The following PDZRN3 variants were observed in gnomAD, a reference collection of about 807,000 sequenced individuals.
PDZRN3 encodes E3 ubiquitin-protein ligase PDZRN3.
In PDZRN3, 38 loss-of-function variants were observed where a neutral mutation model predicts 85.7. The ratio of observed to expected loss-of-function variants is 0.44; its 90% CI spans 0.34 to 0.58. The LOEUF (loss-of-function observed/expected upper bound fraction) is 0.58. PDZRN3 is among the 20% of genes least tolerant of loss of function. The pLI is 0.01. For synonymous variants in PDZRN3, 759 were observed against 638.0 expected, an observed-to-expected ratio of 1.19 and a Z score of -2.86; for missense variants, 1,629 against 1,506.4, an observed-to-expected ratio of 1.08 and a Z score of -1.35.
intron 3 of PDZRN3, among the ~76,000 whole-genome samples, chr3:73,418,110 T>C (rs1223875495): frequency 6.6e-6 from 1 of 152,188 alleles, no homozygotes; most frequent in African/African-American, 2.4e-5. Flanking sequence ...AAATGGGAAA[T>C]AAAATGACTC....
At chr3:73,568,525 A>G (rs1438736367) in intron 3 of PDZRN3, among the ~76,000 whole-genome samples, 6 of 152,280 alleles carry the variant, frequency 3.9e-5, no homozygotes, top group African/African-American at 1.4e-4. Flanking sequence ...CTCCTACAAA[A>G]CTGTGGTAAA....
chr3:73,430,989 T>C (rs570073800), intron 3 of PDZRN3, among the ~76,000 whole-genome samples: 1 of 152,252 alleles, frequency 6.6e-6, no homozygotes, highest in African/African-American at 2.4e-5. Context: ...TGTCTTGACG[T>C]TTCACACTGC....
At chr3:73,546,452 T>C (rs1156515520) in intron 3 of PDZRN3, among the ~76,000 whole-genome samples, 1 of 152,254 alleles carries the variant, frequency 6.6e-6, no homozygotes, top group Non-Finnish European at 1.5e-5. Context: ...ATCATAAAAG[T>C]ACTGGCTTGT....
Position 73,603,805 on chromosome 3 carries a change from A to G in PDZRN3, c.811-1344T>C, listed in dbSNP as rs1428415234. Among the ~76,000 whole-genome samples the G allele has an allele frequency of 2.0e-5, 3 of 152,070 alleles. No homozygotes were observed. The East Asian group carries it at 5.8e-4, about 29-fold the overall frequency. ...GTCTACCCCTTCAAATGCAACAGCA[A>G]TAACTAAGCTTGGAAAAATGTACAT... On this transcript the variant is annotated intron_variant, in intron 2 of 9. Transcript: ENST00000263666.
intron 3 of PDZRN3, among the ~76,000 whole-genome samples, chr3:73,598,092 A>G (rs1353255296): frequency 5.9e-5 from 9 of 152,194 alleles, no homozygotes; most frequent in Non-Finnish European, 4.4e-5. Flanking sequence ...GATTGGCCTA[A>G]AGTAGACTCC....
chr3:73,600,304 A>AACACACAC (rs35396413), intron 3 of PDZRN3, among the ~76,000 whole-genome samples: 11 of 124,394 alleles, frequency 8.8e-5, no homozygotes, highest in South Asian at 2.9e-4. Context: ...TTAGTAATGA[A>AACACACAC]ACACACACAC....
At chr3:73,391,251 T>G (rs1030801845) in intron 5 of PDZRN3, 135 bp from the exon 6 acceptor site, 5 of 597,934 alleles carry the variant, frequency 8.4e-6, no homozygotes, top group Non-Finnish European at 1.5e-5. Context: ...GCCGGTTAAC[T>G]TACTAAACAA....
intron 7 of PDZRN3, among the ~76,000 whole-genome samples, chr3:73,389,574 G>A (rs1169343555): frequency 1.3e-5 from 2 of 152,086 alleles, no homozygotes; most frequent in South Asian, 2.1e-4. Flanking sequence ...ATTTTGCAAG[G>A]CCCTCTTTGG....
chr3:73,526,870 T>TG (rs1187258129), intron 3 of PDZRN3, among the ~76,000 whole-genome samples: 1 of 151,948 alleles, frequency 6.6e-6, no homozygotes, highest in Admixed American at 6.6e-5. Flanking sequence ...TTTTTTGAGT[T>TG]GGAGTTTTGT....
chr3:73,596,373 A>AAC (rs1702430457), intron 3 of PDZRN3, among the ~76,000 whole-genome samples: 2 of 152,234 alleles, frequency 1.3e-5, no homozygotes, highest in Non-Finnish European at 2.9e-5. Flanking sequence ...CAGTCAATGG[A>AAC]TGATAAAACC....
chr3:73,452,845 G>C (rs1702893940), intron 3 of PDZRN3, among the ~76,000 whole-genome samples: 1 of 150,424 alleles, frequency 6.6e-6, no homozygotes, highest in African/African-American at 2.5e-5. Context: ...ATATCTGTGT[G>C]TGTGTGTGTG....
intron 3 of PDZRN3, among the ~76,000 whole-genome samples, chr3:73,475,012 G>A (rs1703420868): frequency 6.6e-6 from 1 of 152,050 alleles, no homozygotes; most frequent in Non-Finnish European, 1.5e-5. Context: ...ACTTAGATAA[G>A]TTAATATTTC....
chr3:73,470,676 T>A (rs1034253152), intron 3 of PDZRN3, among the ~76,000 whole-genome samples: 6 of 152,168 alleles, frequency 3.9e-5, no homozygotes, highest in African/African-American at 1.2e-4. Flanking sequence ...TGCACAGACA[T>A]ACAGAGAAGC....
intron 3 of PDZRN3, among the ~76,000 whole-genome samples, chr3:73,438,588 C>T (rs771725525): frequency 2.6e-5 from 4 of 152,184 alleles, no homozygotes; most frequent in African/African-American, 4.8e-5. Flanking sequence ...TGTTAGGCAC[C>T]GGCCAGTCAC....
At chr3:73,387,361 C>T (rs1253050531) in intron 8 of PDZRN3, among the ~76,000 whole-genome samples, 1 of 152,178 alleles carries the variant, frequency 6.6e-6, no homozygotes, top group Non-Finnish European at 1.5e-5. Context: ...GGAGTTATTA[C>T]AACACAGAGG....
At chr3:73,584,976 T>TA (rs1428205152) in intron 3 of PDZRN3, among the ~76,000 whole-genome samples, 1 of 152,180 alleles carries the variant, frequency 6.6e-6, no homozygotes, top group African/African-American at 2.4e-5. Flanking sequence ...TAGAAATCTT[T>TA]AAAAAAATTT....
At chr3:73,584,455 GTGT>G (rs1559748409) in intron 3 of PDZRN3, among the ~76,000 whole-genome samples, 12 of 47,954 alleles carry the variant, frequency 2.5e-4, no homozygotes, top group African/African-American at 9.0e-4. Context: ...ATTTAATGGT[GTGT>G]GTGTGTGTGT....
chr3:73,391,145 A>G (rs1701518850), intron 5 of PDZRN3, 29 bp from the exon 6 acceptor site: 1 of 1,375,840 alleles, frequency 7.3e-7, no homozygotes, highest in Non-Finnish European at 1.0e-6. Context: ...TCCCAGTGAG[A>G]CTCCAGCAGG....
chr3:73,472,321 T>A (rs1402124187), intron 3 of PDZRN3, among the ~76,000 whole-genome samples: 1 of 152,220 alleles, frequency 6.6e-6, no homozygotes, highest in African/African-American at 2.4e-5. Flanking sequence ...ACTTACAGAA[T>A]CTTCAGACTC....
Sources: allele counts gnomAD v4.1 joint callset (sites outside exome capture counted in the v4.1 genomes callset), GRCh38; gene constraint gnomAD v4.1.1; transcripts MANE v1.5; gene names NCBI Gene and HGNC (gene_info 2026-07-23, HGNC 2026-07-21).